NOX3: variants seen among roughly 807,000 people sequenced by gnomAD.
NOX3 encodes NADPH oxidase 3, also known as NADPH oxidase catalytic subunit-like 3.
Under a neutral mutation model 76.7 loss-of-function variants are expected in NOX3, and 74 were observed. That is an observed-to-expected ratio of 0.96 (90% CI 0.80 to 1.17). The LOEUF is 1.17. NOX3 is among the 50% of genes most tolerant of loss of function. The pLI is 0.00. For missense variants in NOX3, 695 were observed against 703.3 expected (o/e 0.99, Z 0.13); for synonymous variants, 263 against 261.1 (o/e 1.01, Z -0.07).
At chr6:155,398,305 A>G (rs1779166484) in intron 12 of NOX3, among the ~76,000 whole-genome samples, 1 of 152,164 alleles carries the variant, frequency 6.6e-6, no homozygotes, top group Non-Finnish European at 1.5e-5. Flanking sequence ...TCACTTTGAG[A>G]AACACTGTCA....
chr6:155,401,948 T>G (rs1189218277), intron 12 of NOX3, among the ~76,000 whole-genome samples: 1 of 152,196 alleles, frequency 6.6e-6, no homozygotes, highest in South Asian at 2.1e-4. Flanking sequence ...TTAAGGCCTA[T>G]GGAAAATTAT....
intron 6 of NOX3, among the ~76,000 whole-genome samples, chr6:155,437,066 G>A (rs1776913728): frequency 6.6e-6 from 1 of 152,206 alleles, no homozygotes; most frequent in Admixed American, 6.5e-5. Context: ...GTTTGACTCA[G>A]TCAAAACAGG....
chr6:155,434,508 C>A (rs777447060), intron 7 of NOX3, among the ~76,000 whole-genome samples: 1 of 152,078 alleles, frequency 6.6e-6, no homozygotes, highest in South Asian at 2.1e-4. Flanking sequence ...GGGGTTGGAC[C>A]GAGCAAAGGA....
At chr6:155,407,326 T>C in intron 11 of NOX3, 72 bp from the exon 12 acceptor site, 5 of 1,362,844 alleles carry the variant, frequency 3.7e-6, no homozygotes, top group Non-Finnish European at 4.0e-6. Flanking sequence ...AAGAATAAAG[T>C]AATCATGTTC....
intron 7 of NOX3, among the ~76,000 whole-genome samples, chr6:155,433,152 G>A (rs1005321593): frequency 1.3e-5 from 2 of 152,116 alleles, no homozygotes; most frequent in Non-Finnish European, 2.9e-5. Flanking sequence ...AAAATGTAAT[G>A]GATTATTTTT....
chr6:155,416,383 C>G (rs1776621541), intron 10 of NOX3, among the ~76,000 whole-genome samples: 1 of 152,120 alleles, frequency 6.6e-6, no homozygotes, highest in African/African-American at 2.4e-5. Flanking sequence ...CTCTTATTGT[C>G]CTGGTTTTTA....
intron 4 of NOX3, among the ~76,000 whole-genome samples, 177 bp downstream of exon 4, chr6:155,453,227 T>C (rs1022121139): frequency 3.3e-5 from 5 of 152,164 alleles, no homozygotes; most frequent in Non-Finnish European, 5.9e-5. Context: ...GGAAAACGTA[T>C]AGGTAAGTAT....
At chr6:155,397,723 C>T (rs1779158076) in intron 12 of NOX3, among the ~76,000 whole-genome samples, 2 of 152,172 alleles carry the variant, frequency 1.3e-5, no homozygotes, top group South Asian at 4.1e-4. Flanking sequence ...CACTAATATC[C>T]TGTTCAGCCC....
At chr6:155,401,790 C>CAAAAAAAA (rs5881135) in intron 12 of NOX3, among the ~76,000 whole-genome samples, 1 of 99,348 alleles carries the variant, frequency 1.0e-5, no homozygotes. Context: ...ACTGAAATTA[C>CAAAAAAAA]AAAAAAAAAA....
intron 10 of NOX3, among the ~76,000 whole-genome samples, chr6:155,415,683 G>T (rs956376763): frequency 5.9e-5 from 9 of 152,198 alleles, no homozygotes; most frequent in Non-Finnish European, 8.8e-5. Context: ...CTGGGCAAAA[G>T]TTATTTAACT....
chr6:155,443,241 G>C, intron 5 of NOX3, 32 bp downstream of exon 5: 1 of 1,597,138 alleles, frequency 6.3e-7, no homozygotes, highest in Non-Finnish European at 8.6e-7. Context: ...GGATTTTTCA[G>C]GGGAGAAGCT....
chr6:155,436,549 T>G lies in NOX3; in HGVS notation c.669-2A>C. 1.2e-6 allele frequency: 2 copies of G among 1,609,740 alleles called. No individual in the cohort carries two copies. Among genetic ancestry groups the G allele is most frequent in the Non-Finnish European group, 8.5e-7 (1 of 1,179,000 alleles). The stretch of plus-strand genomic sequence containing the variant: ...TGGGTTTGGCCTCGAACAATCCGAC[T>G]TGTTATTTAAGAAAAGCAAAACAAA... On this transcript the variant is annotated splice_acceptor_variant, in intron 6 of 13. Coordinates refer to ENST00000159060, the MANE Select transcript of NOX3 (RefSeq NM_015718.3). LOFTEE classifies it high-confidence loss of function.
intron 12 of NOX3, among the ~76,000 whole-genome samples, chr6:155,401,511 C>T (rs1779226084): frequency 6.6e-6 from 1 of 152,102 alleles, no homozygotes; most frequent in Non-Finnish European, 1.5e-5. Context: ...AAACATTTTG[C>T]ACATATGCAC....
intron 4 of NOX3, among the ~76,000 whole-genome samples, chr6:155,451,788 C>A (rs980382492): frequency 1.3e-5 from 2 of 151,972 alleles, no homozygotes; most frequent in African/African-American, 4.8e-5. Context: ...CCACGCCCAG[C>A]TAATATTTTT....
intron 11 of NOX3, among the ~76,000 whole-genome samples, chr6:155,410,054 T>C (rs1303303250): frequency 1.3e-4 from 20 of 152,124 alleles, no homozygotes; most frequent in Admixed American, 1.3e-3. Context: ...TGTTCATCAG[T>C]CAAAAATCCC....
At chr6:155,442,167 G>C (rs1444526548) in intron 5 of NOX3, among the ~76,000 whole-genome samples, 1 of 152,190 alleles carries the variant, frequency 6.6e-6, no homozygotes, top group Non-Finnish European at 1.5e-5. Context: ...AGGAGGCTGA[G>C]GCAGGAGAAT....
intron 4 of NOX3, among the ~76,000 whole-genome samples, chr6:155,448,198 C>T (rs933934700): frequency 2.2e-4 from 34 of 152,156 alleles, no homozygotes; most frequent in Non-Finnish European, 5.9e-5. Context: ...AGCCCCCTTC[C>T]AGCTGTGTGG....
At chr6:155,439,674 A>G (rs551528520) in intron 6 of NOX3, among the ~76,000 whole-genome samples, 84 of 152,346 alleles carry the variant, frequency 5.5e-4, no homozygotes, top group African/African-American at 1.9e-3. Context: ...AATGAAACAT[A>G]GATCTACTGT....
chr6:155,408,377 A>C (rs1430154536), intron 11 of NOX3, among the ~76,000 whole-genome samples: 1 of 152,132 alleles, frequency 6.6e-6, no homozygotes, highest in African/African-American at 2.4e-5. Flanking sequence ...CTGTGTTCCC[A>C]GTGCTCATCC....
Sources: allele counts gnomAD v4.1 joint callset (sites outside exome capture counted in the v4.1 genomes callset), GRCh38; gene constraint gnomAD v4.1.1; transcripts MANE v1.5; gene names NCBI Gene and HGNC (gene_info 2026-07-23, HGNC 2026-07-21).